PRKCA: variants seen among roughly 807,000 people sequenced by gnomAD.
PRKCA encodes protein kinase C alpha type.
In PRKCA, 27 loss-of-function variants were observed where a neutral mutation model predicts 87.0. The observed-to-expected ratio is 0.31, with a 90% CI of 0.23 to 0.43. PRKCA has a LOEUF of 0.43. Among genes scored for constraint, PRKCA ranks in the 20% least tolerant of loss-of-function variants. PRKCA has a pLI of 1.00. For missense variants in PRKCA, 518 were observed against 852.3 expected, an observed-to-expected ratio of 0.61 and a Z score of 4.88; for synonymous variants, 329 against 311.1, an observed-to-expected ratio of 1.06 and a Z score of -0.61.
At chr17:66,624,787 CAAATAAATAAATAAATAAATAAAT>C (rs3064605) in intron 3 of PRKCA, among the ~76,000 whole-genome samples, 2 of 143,716 alleles carry the variant, frequency 1.4e-5, no homozygotes, top group East Asian at 4.0e-4. Context: ...GACTCCATCT[CAAATAAATAAATAAATAAATAAAT>C]AAATAAATAA....
chr17:66,760,728 TAAAC>T (rs889268031), intron 13 of PRKCA, among the ~76,000 whole-genome samples: 4 of 152,198 alleles, frequency 2.6e-5, no homozygotes, highest in African/African-American at 9.7e-5. Flanking sequence ...TAAAGGATGA[TAAAC>T]AAACACCAGC....
intron 9 of PRKCA, among the ~76,000 whole-genome samples, chr17:66,734,822 C>T (rs1178159422): frequency 6.6e-6 from 1 of 152,182 alleles, no homozygotes; most frequent in African/African-American, 2.4e-5. Context: ...TCTCTCAGAT[C>T]AGAGTGCACA....
chr17:66,370,458 C>A (rs759526226), intron 2 of PRKCA, among the ~76,000 whole-genome samples: 2 of 151,102 alleles, frequency 1.3e-5, no homozygotes, highest in Non-Finnish European at 2.9e-5. Context: ...GAGGCATTGC[C>A]AGGTGCAGTA....
chr17:66,459,626 C>T (rs893605230), intron 2 of PRKCA, among the ~76,000 whole-genome samples: 5 of 152,116 alleles, frequency 3.3e-5, no homozygotes, highest in Non-Finnish European at 7.3e-5. Context: ...GTTCTATGTC[C>T]AGTTCTTCCT....
chr17:66,501,699 C>T (rs1047422605), intron 3 of PRKCA, among the ~76,000 whole-genome samples: 4 of 152,282 alleles, frequency 2.6e-5, no homozygotes, highest in East Asian at 1.9e-4. Flanking sequence ...TTCCAGCATC[C>T]GAGGTTTCAT....
At chr17:66,339,197 A>G (rs117476700) in intron 2 of PRKCA, among the ~76,000 whole-genome samples, 77 of 152,264 alleles carry the variant, frequency 5.1e-4, no homozygotes, top group Non-Finnish European at 6.9e-4. Flanking sequence ...CAACACTGTT[A>G]TATCTGGAGT....
chr17:66,370,765 G>A (rs1312852238), intron 2 of PRKCA, among the ~76,000 whole-genome samples: 1 of 151,908 alleles, frequency 6.6e-6, no homozygotes, highest in Non-Finnish European at 1.5e-5. Flanking sequence ...GCCCAGGCTG[G>A]TCTTGAACTC....
rs1478578121 is a variant in PRKCA at position 66,348,854 on chromosome 17, C to G, written c.205+42727C>G. Among the ~76,000 whole-genome samples, 2 of 152,188 alleles carry G rather than the reference C, an allele frequency of 1.3e-5. 1 individual carries two copies. The highest frequency in any genetic ancestry group is 3.9e-4 in the East Asian group (2 of 5,192). ...GATAATGGAGTTGTAAAATTACTCTCAGCTTTAGTCAGCAGCAACCAAACT... is the reference window on the plus strand; with the variant it reads ...GATAATGGAGTTGTAAAATTACTCTGAGCTTTAGTCAGCAGCAACCAAACT... On this transcript the variant is annotated intron_variant, in intron 2 of 16. Transcript: ENST00000413366.
intron 13 of PRKCA, among the ~76,000 whole-genome samples, chr17:66,756,942 C>A (rs1272181251): frequency 1.3e-5 from 2 of 152,150 alleles, no homozygotes; most frequent in African/African-American, 4.8e-5. Context: ...GGATTACAGG[C>A]GTGAGCCACC....
At chr17:66,605,914 A>G (rs1180513281) in intron 3 of PRKCA, among the ~76,000 whole-genome samples, 2 of 151,516 alleles carry the variant, frequency 1.3e-5, no homozygotes, top group African/African-American at 2.4e-5. Context: ...GTGGTTACCT[A>G]GGGCTGGGGA....
chr17:66,665,666 C>A, intron 5 of PRKCA, among the ~76,000 whole-genome samples: 1 of 152,120 alleles, frequency 6.6e-6, no homozygotes, highest in East Asian at 1.9e-4. Context: ...TAAGAACAAG[C>A]GCAGAGCCTG....
At chr17:66,710,000 C>G (rs1973284043) in intron 8 of PRKCA, among the ~76,000 whole-genome samples, 1 of 152,180 alleles carries the variant, frequency 6.6e-6, no homozygotes, top group Non-Finnish European at 1.5e-5. Flanking sequence ...GCCAAATACT[C>G]CAGGACCCCG....
chr17:66,334,899 A>AG (rs926673012), intron 2 of PRKCA, among the ~76,000 whole-genome samples: 6 of 152,206 alleles, frequency 3.9e-5, no homozygotes, highest in African/African-American at 1.4e-4. Context: ...GGGAACACAT[A>AG]GAGTGGAATA....
chr17:66,521,876 G>T (rs1967171645), intron 3 of PRKCA, among the ~76,000 whole-genome samples: 2 of 152,172 alleles, frequency 1.3e-5, no homozygotes, highest in South Asian at 2.1e-4. Context: ...GGGAAATAGG[G>T]ACACCTGGTT....
chr17:66,453,564 C>T (rs946620685), intron 2 of PRKCA, among the ~76,000 whole-genome samples: 18 of 152,088 alleles, frequency 1.2e-4, no homozygotes, highest in African/African-American at 4.3e-4. Flanking sequence ...GTGATCCGCC[C>T]ACCTCAGCCT....
At position 66,808,009 on chromosome 17, in the gene PRKCA, G is replaced by A. The variant is rs1446569977; in HGVS notation, c.*3972G>A. On this transcript the variant is annotated 3_prime_UTR_variant, in exon 17 of 17. Transcript: ENST00000413366. The stretch of plus-strand genomic sequence containing the variant: ...AAGAGAGTGTTTTGCCAGGGACACA[G>A]TCTGTTCCTCCTCAGAAAACACCCC... The A allele has an allele frequency of 6.6e-6, 1 of 152,188 alleles. No individual in the cohort carries two copies. Among genetic ancestry groups the A allele is most frequent in the East Asian group, 1.9e-4 (1 of 5,178 alleles). The allele number at this position is 152,188 out of a possible 1,614,324, so 9.4% of individuals were successfully genotyped here. A position where few individuals can be genotyped will look rare whatever the true frequency, so the allele number is the denominator to read the frequency against.
At chr17:66,378,879 C>T (rs911898225) in intron 2 of PRKCA, among the ~76,000 whole-genome samples, 9 of 146,716 alleles carry the variant, frequency 6.1e-5, no homozygotes, top group South Asian at 2.2e-4. Context: ...CCAACCTAAG[C>T]GACAGAGCGA....
chr17:66,717,763 T>C (rs1207690374), intron 8 of PRKCA, among the ~76,000 whole-genome samples: 1 of 152,202 alleles, frequency 6.6e-6, no homozygotes, highest in Non-Finnish European at 1.5e-5. Flanking sequence ...AGCATCTTCA[T>C]CTGCATCCTA....
chr17:66,583,720 T>C (rs1219298759), intron 3 of PRKCA, among the ~76,000 whole-genome samples: 3 of 152,134 alleles, frequency 2.0e-5, no homozygotes, highest in African/African-American at 7.2e-5. Flanking sequence ...TGATAAGTAT[T>C]TTTCTTTTTT....
Sources: gnomAD v4.1 joint callset for allele counts (sites outside exome capture counted in the v4.1 genomes callset) on GRCh38, gnomAD v4.1.1 for gene constraint, MANE v1.5 for transcripts, NCBI Gene and HGNC (gene_info 2026-07-23, HGNC 2026-07-21) for gene names.